PDZRN4: variants seen among roughly 807,000 people sequenced by gnomAD.
PDZRN4 encodes the protein PDZ domain containing ring finger 4.
In PDZRN4, 70 loss-of-function variants were observed where a neutral mutation model predicts 99.0. The observed-to-expected ratio is 0.71, with a 90% CI of 0.58 to 0.86. PDZRN4 has a LOEUF of 0.86. PDZRN4 is among the 40% of genes least tolerant of loss of function. The pLI is 0.00. For missense variants in PDZRN4, 1,474 were observed against 1,331.2 expected, an observed-to-expected ratio of 1.11 and a Z score of -1.67; for synonymous variants, 551 against 501.6, an observed-to-expected ratio of 1.10 and a Z score of -1.32.
intron 3 of PDZRN4, among the ~76,000 whole-genome samples, chr12:41,474,106 C>T (rs1439698527): frequency 2.0e-5 from 3 of 152,152 alleles, no homozygotes; most frequent in Non-Finnish European, 4.4e-5. Context: ...AGATTAAATG[C>T]AGTGGGGGAT....
intron 3 of PDZRN4, among the ~76,000 whole-genome samples, chr12:41,472,676 A>G (rs1470858462): frequency 1.3e-5 from 2 of 152,208 alleles, no homozygotes; most frequent in African/African-American, 2.4e-5. Context: ...TAATAGTACC[A>G]GGTGTCACTC....
At chr12:41,320,806 G>A (rs1951671764) in intron 3 of PDZRN4, among the ~76,000 whole-genome samples, 3 of 152,108 alleles carry the variant, frequency 2.0e-5, no homozygotes, top group Admixed American at 2.0e-4. Context: ...CAGAGTACAT[G>A]AGTCAAGTTA....
Position 41,378,267 on chromosome 12 carries a change from C to T in PDZRN4, c.844-128189C>T, listed in dbSNP as rs79752768. On this transcript the variant is annotated intron_variant, in intron 3 of 9. Coordinates refer to ENST00000402685, the MANE Select transcript of PDZRN4 (RefSeq NM_001164595.2). ...ATTTTCATTCTTCTTCCTGTTAATA[C>T]GATGGGTTGTATTTATTGACTTGTT... Among the ~76,000 whole-genome samples the T allele has an allele frequency of 1.8e-3, 276 of 152,160 alleles. 3 individuals carry two copies. The highest frequency in any genetic ancestry group is 5.9e-3 in the African/African-American group (244 of 41,522).
At chr12:41,228,637 G>A (rs1379525223) in intron 3 of PDZRN4, among the ~76,000 whole-genome samples, 1 of 152,084 alleles carries the variant, frequency 6.6e-6, no homozygotes, top group African/African-American at 2.4e-5. Flanking sequence ...CCATGCTCAG[G>A]AGGCTACCAT....
intron 3 of PDZRN4, among the ~76,000 whole-genome samples, chr12:41,281,815 A>T (rs116407929): frequency 0.015 from 2,260 of 151,360 alleles, 58 homozygotes; most frequent in African/African-American, 0.052. Context: ...TCCTTGCCTG[A>T]TTGCCCTGAG....
chr12:41,222,760 A>G (rs907488310), intron 3 of PDZRN4, among the ~76,000 whole-genome samples: 2 of 152,034 alleles, frequency 1.3e-5, no homozygotes, highest in Admixed American at 6.6e-5. Context: ...CATGACCTCA[A>G]GTGATCCACC....
intron 3 of PDZRN4, among the ~76,000 whole-genome samples, chr12:41,250,775 A>G (rs1393664731): frequency 6.6e-6 from 1 of 152,222 alleles, no homozygotes; most frequent in Non-Finnish European, 1.5e-5. Context: ...AGACTAGTAA[A>G]TCTTTCCTGG....
chr12:41,193,285 A>C (rs529714449), intron 2 of PDZRN4, among the ~76,000 whole-genome samples: 8 of 152,226 alleles, frequency 5.3e-5, no homozygotes, highest in Non-Finnish European at 1.0e-4. Context: ...CTTAAAATTC[A>C]TGATAAGGAC....
At chr12:41,570,076 T>A (rs866478900) in intron 9 of PDZRN4, among the ~76,000 whole-genome samples, 1 of 152,088 alleles carries the variant, frequency 6.6e-6, no homozygotes, top group African/African-American at 2.4e-5. Context: ...CCAGGTAAAG[T>A]GACAACGGTG....
chr12:41,565,331 T>C (rs887223130), intron 8 of PDZRN4, among the ~76,000 whole-genome samples: 1 of 151,236 alleles, frequency 6.6e-6, no homozygotes, highest in Non-Finnish European at 1.5e-5. Context: ...GGAAGCTAAT[T>C]GCCTATAGAA....
At chr12:41,464,999 A>G (rs1458885064) in intron 3 of PDZRN4, among the ~76,000 whole-genome samples, 1 of 151,824 alleles carries the variant, frequency 6.6e-6, no homozygotes, top group Non-Finnish European at 1.5e-5. Flanking sequence ...TAATTTTTGC[A>G]TTTTTAGTAG....
chr12:41,378,815 G>A (rs60271257), intron 3 of PDZRN4, among the ~76,000 whole-genome samples: 5,005 of 152,142 alleles, frequency 0.033, 117 homozygotes, highest in African/African-American at 0.071. Context: ...GAGCCACAGC[G>A]CCCAGCCTCC....
At chr12:41,511,451 A>G (rs1938303044) in intron 5 of PDZRN4, among the ~76,000 whole-genome samples, 1 of 152,044 alleles carries the variant, frequency 6.6e-6, no homozygotes, top group African/African-American at 2.4e-5. Flanking sequence ...TGTAATCTCA[A>G]CTAATCACAG....
Position 41,506,676 on chromosome 12 carries a change from C to T in PDZRN4, c.1064C>T (p.Pro355Leu). ...GCCAAGCTTCGTCCACCTACCCCTC[C>T]AGTGCCAGACATCTGTCCATTCCTG... ...ALAKLRPPTP[P>L]VPDICPFLLS... Residue 355 changes from proline to leucine, a missense_variant, in exon 4 of 10, where the codon CCA becomes CTA. Physicochemically the swap from Pro to Leu is moderately conservative, Grantham distance 98. Transcript: ENST00000402685. 6.2e-7 allele frequency: 1 copy of T among 1,613,662 alleles called. No individual in the cohort carries two copies. Among genetic ancestry groups the T allele is most frequent in the Non-Finnish European group, 8.5e-7 (1 of 1,179,714 alleles).
At chr12:41,380,332 T>C (rs2121100074) in intron 3 of PDZRN4, among the ~76,000 whole-genome samples, 1 of 152,212 alleles carries the variant, frequency 6.6e-6, no homozygotes, top group East Asian at 1.9e-4. Context: ...TTTAATTCAT[T>C]TACATTGAGA....
intron 3 of PDZRN4, among the ~76,000 whole-genome samples, chr12:41,394,757 G>C (rs1328689745): frequency 6.6e-6 from 1 of 151,724 alleles, no homozygotes; most frequent in Non-Finnish European, 1.5e-5. Flanking sequence ...TAACATGGAA[G>C]CTGGCTTCTC....
At chr12:41,532,912 G>T (rs1215958613) in intron 5 of PDZRN4, among the ~76,000 whole-genome samples, 1 of 152,036 alleles carries the variant, frequency 6.6e-6, no homozygotes, top group Non-Finnish European at 1.5e-5. Context: ...ATTAATTCAT[G>T]CTTGAAAAAT....
At chr12:41,329,246 C>A (rs1302931288) in intron 3 of PDZRN4, among the ~76,000 whole-genome samples, 1 of 152,106 alleles carries the variant, frequency 6.6e-6, no homozygotes, top group African/African-American at 2.4e-5. Flanking sequence ...GTATTGCACA[C>A]ACCCATTCTC....
At chr12:41,331,177 TA>T (rs1324081766) in intron 3 of PDZRN4, among the ~76,000 whole-genome samples, 5 of 152,170 alleles carry the variant, frequency 3.3e-5, no homozygotes, top group Admixed American at 3.3e-4. Context: ...ACTTGAATTT[TA>T]TGACTATGAA....
Sources: gnomAD v4.1 joint callset for allele counts (sites outside exome capture counted in the v4.1 genomes callset) on GRCh38, gnomAD v4.1.1 for gene constraint, MANE v1.5 for transcripts, NCBI Gene and HGNC (gene_info 2026-07-23, HGNC 2026-07-21) for gene names.